Variants in SGCZ observed in about 807,000 individuals in gnomAD.
SGCZ encodes the protein sarcoglycan zeta, also known as zeta-sarcoglycan.
SGCZ carries 40 observed loss-of-function variants against 41.3 expected under a neutral mutation model. The ratio of observed to expected loss-of-function variants is 0.97; its 90% confidence interval spans 0.75 to 1.26. SGCZ has a LOEUF of 1.26. Ranked by LOEUF, SGCZ falls within the 50% of genes most tolerant of loss-of-function variation. The pLI, the probability that SGCZ is intolerant of heterozygous loss-of-function variation, is 0.00. For missense variants in SGCZ, 552 were observed against 369.8 expected, an observed-to-expected ratio of 1.49 and a Z score of -4.04; for synonymous variants, 206 against 137.5, an observed-to-expected ratio of 1.50 and a Z score of -3.49.
Position 14,926,642 on chromosome 8 carries a change from T to TG in SGCZ, c.39+310942dup, listed in dbSNP as rs202122923. On this transcript the variant is annotated intron_variant, in intron 1 of 7. Coordinates refer to ENST00000382080, the MANE Select transcript of SGCZ (RefSeq NM_139167.4). ...TGTTTGTTTTGTTTTTCCGTGTGTG[T>TG]GGTTTTTTTTTGTTTTTTTGAGACA... 4.3e-3 allele frequency among the ~76,000 whole-genome samples: 621 copies of TG among 145,592 alleles called. 5 individuals are homozygous for TG. The highest frequency in any genetic ancestry group is 0.018 in the South Asian group (82 of 4,546).
intron 1 of SGCZ, among the ~76,000 whole-genome samples, chr8:14,587,719 C>T (rs1471470749): frequency 6.6e-6 from 1 of 152,070 alleles, no homozygotes. Flanking sequence ...TGTCTTAGGT[C>T]ACTGATTTTT....
At chr8:14,694,345 T>C (rs1463768136) in intron 1 of SGCZ, among the ~76,000 whole-genome samples, 3 of 152,230 alleles carry the variant, frequency 2.0e-5, no homozygotes, top group Non-Finnish European at 1.5e-5. Flanking sequence ...AGGCAAAGAA[T>C]CTATTTTTCT....
At chr8:14,565,223 G>C (rs1451263964) in intron 1 of SGCZ, among the ~76,000 whole-genome samples, 1 of 151,906 alleles carries the variant, frequency 6.6e-6, no homozygotes, top group Non-Finnish European at 1.5e-5. Flanking sequence ...GTCATTCTTA[G>C]TTTTCTTTAC....
At chr8:15,193,814 G>C (rs553667492) in intron 1 of SGCZ, among the ~76,000 whole-genome samples, 46 of 152,192 alleles carry the variant, frequency 3.0e-4, no homozygotes, top group African/African-American at 1.1e-3. Context: ...CAATAATTTA[G>C]CCAAAGCAGA....
At chr8:14,931,197 C>T (rs1799913999) in intron 1 of SGCZ, among the ~76,000 whole-genome samples, 2 of 152,016 alleles carry the variant, frequency 1.3e-5, no homozygotes, top group South Asian at 4.1e-4. Context: ...TTCTTGATTA[C>T]ATAATCTGCA....
chr8:14,873,886 T>G (rs1804253812), intron 1 of SGCZ, among the ~76,000 whole-genome samples: 1 of 152,194 alleles, frequency 6.6e-6, no homozygotes, highest in African/African-American at 2.4e-5. Context: ...GCAACTGTCT[T>G]TCTCTTAGGC....
chr8:14,369,458 C>T (rs1803834663), intron 2 of SGCZ, among the ~76,000 whole-genome samples: 1 of 151,958 alleles, frequency 6.6e-6, no homozygotes, highest in Non-Finnish European at 1.5e-5. Context: ...CCCAGTGCAT[C>T]ATAGCTAGAG....
At chr8:15,179,476 C>T (rs1277962270) in intron 1 of SGCZ, among the ~76,000 whole-genome samples, 1 of 152,140 alleles carries the variant, frequency 6.6e-6, no homozygotes, top group African/African-American at 2.4e-5. Flanking sequence ...AAAGGGTTTT[C>T]ATGATCTCAA....
At chr8:14,864,783 C>T (rs888391074) in intron 1 of SGCZ, among the ~76,000 whole-genome samples, 1 of 151,910 alleles carries the variant, frequency 6.6e-6, no homozygotes, top group Non-Finnish European at 1.5e-5. Context: ...ATTTGTATTC[C>T]CACCAACAGT....
chr8:14,581,042 T>C (rs1804871573), intron 1 of SGCZ, among the ~76,000 whole-genome samples: 1 of 152,230 alleles, frequency 6.6e-6, no homozygotes. Context: ...GATACTTTCC[T>C]CTAAAATAGT....
chr8:14,577,578 G>C (rs1188139684), intron 1 of SGCZ, among the ~76,000 whole-genome samples: 1 of 151,986 alleles, frequency 6.6e-6, no homozygotes, highest in African/African-American at 2.4e-5. Context: ...AGTAGAGACA[G>C]TGTTTCACCA....
intron 3 of SGCZ, among the ~76,000 whole-genome samples, chr8:14,305,486 A>C (rs1184824173): frequency 4.6e-5 from 7 of 152,196 alleles, no homozygotes; most frequent in Non-Finnish European, 1.0e-4. Context: ...AATAGCAAAA[A>C]TCTAGAAATT....
At chr8:15,129,352 A>T (rs1004967780) in intron 1 of SGCZ, among the ~76,000 whole-genome samples, 3 of 152,174 alleles carry the variant, frequency 2.0e-5, no homozygotes, top group Non-Finnish European at 4.4e-5. Flanking sequence ...GAGTCTATGC[A>T]CCACAAGTTA....
intron 2 of SGCZ, among the ~76,000 whole-genome samples, chr8:14,369,478 G>A (rs1040988918): frequency 2.6e-5 from 4 of 151,878 alleles, no homozygotes; most frequent in Non-Finnish European, 5.9e-5. Context: ...GGCACTCAAT[G>A]GCAGTTTATC....
intron 1 of SGCZ, among the ~76,000 whole-genome samples, chr8:14,765,810 C>T (rs1800017903): frequency 6.6e-6 from 1 of 152,168 alleles, no homozygotes; most frequent in Non-Finnish European, 1.5e-5. Context: ...TCCCAACTAT[C>T]ACACAGCCTG....
intron 1 of SGCZ, among the ~76,000 whole-genome samples, chr8:14,936,705 T>A (rs1468540616): frequency 6.6e-6 from 1 of 151,900 alleles, no homozygotes; most frequent in Non-Finnish European, 1.5e-5. Context: ...AAAGATTAGG[T>A]CATACATACC....
At chr8:14,827,098 A>G (rs1451745639) in intron 1 of SGCZ, among the ~76,000 whole-genome samples, 1 of 151,798 alleles carries the variant, frequency 6.6e-6, no homozygotes, top group Non-Finnish European at 1.5e-5. Context: ...CATGTTAGAC[A>G]TATCTTTCTT....
intron 5 of SGCZ, among the ~76,000 whole-genome samples, chr8:14,159,150 G>C (rs779603016): frequency 5.3e-5 from 8 of 152,066 alleles, no homozygotes; most frequent in Non-Finnish European, 8.8e-5. Context: ...ATGAGATTTT[G>C]TGGGTCTAAG....
chr8:15,166,411 C>A (rs1280080601), intron 1 of SGCZ, among the ~76,000 whole-genome samples: 1 of 151,870 alleles, frequency 6.6e-6, no homozygotes, highest in Non-Finnish European at 1.5e-5. Flanking sequence ...CCATGCCCAG[C>A]TAGTTTTTTC....
Sources: gnomAD v4.1 joint callset for allele counts (sites outside exome capture counted in the v4.1 genomes callset) on GRCh38, gnomAD v4.1.1 for gene constraint, MANE v1.5 for transcripts, NCBI Gene and HGNC (gene_info 2026-07-23, HGNC 2026-07-21) for gene names.